Variants in DLG2 observed in about 807,000 individuals in gnomAD.
DLG2 encodes disks large homolog 2.
A neutral mutation model predicts 132.5 loss-of-function variants in DLG2; 45 were observed. The observed-to-expected ratio is 0.34, with a 90% confidence interval of 0.27 to 0.44. DLG2 has a LOEUF of 0.44. Ranked by LOEUF, DLG2 falls within the 20% of genes least tolerant of loss-of-function variation. The probability of loss-of-function intolerance (pLI) is 1.00; values close to 1 mark genes in which losing one functional copy is unlikely to be tolerated. For synonymous variants in DLG2, 424 were observed against 419.6 expected, an observed-to-expected ratio of 1.01 and a Z score of -0.13; for missense variants, 1,045 against 1,196.9, an observed-to-expected ratio of 0.87 and a Z score of 1.87.
chr11:85,292,057 A>G (rs1326337661), intron 3 of DLG2, among the ~76,000 whole-genome samples: 1 of 152,168 alleles, frequency 6.6e-6, no homozygotes, highest in Non-Finnish European at 1.5e-5. Context: ...AAATGATATT[A>G]CAGTCTTGAT....
At chr11:85,259,524 C>A (rs182528511) in intron 4 of DLG2, among the ~76,000 whole-genome samples, 1 of 152,006 alleles carries the variant, frequency 6.6e-6, no homozygotes, top group African/African-American at 2.4e-5. Context: ...TCCAGCTGAC[C>A]CTCCCAAGTA....
chr11:83,743,508 A>T (rs2092694908), intron 18 of DLG2, among the ~76,000 whole-genome samples: 1 of 144,038 alleles, frequency 6.9e-6, no homozygotes, highest in African/African-American at 2.7e-5. Context: ...CACAGTTCAC[A>T]CTACAATTTC....
At chr11:83,884,912 A>C (rs2067385810) in intron 15 of DLG2, among the ~76,000 whole-genome samples, 1 of 152,208 alleles carries the variant, frequency 6.6e-6, no homozygotes, top group East Asian at 1.9e-4. Flanking sequence ...AAAACTAACA[A>C]ACAGAAAGGA....
intron 17 of DLG2, among the ~76,000 whole-genome samples, chr11:83,806,704 G>A (rs1023971696): frequency 6.6e-6 from 1 of 152,154 alleles, no homozygotes; most frequent in Non-Finnish European, 1.5e-5. Flanking sequence ...ATTACTGAGG[G>A]TGACTACAGC....
chr11:83,565,383 TG>T (rs35683943), intron 19 of DLG2, among the ~76,000 whole-genome samples: 6,658 of 152,268 alleles, frequency 0.044, 178 homozygotes, highest in South Asian at 0.11. Flanking sequence ...ACCAGAACAC[TG>T]GGGAAAGAGA....
intron 6 of DLG2, among the ~76,000 whole-genome samples, chr11:84,925,139 C>A (rs915718029): frequency 6.6e-6 from 1 of 152,078 alleles, no homozygotes; most frequent in Admixed American, 6.5e-5. Flanking sequence ...CCATTAGAAG[C>A]TGGGAAAATG....
intron 6 of DLG2, among the ~76,000 whole-genome samples, chr11:84,596,802 C>G (rs1040464744): frequency 2.0e-5 from 3 of 152,128 alleles, no homozygotes; most frequent in Non-Finnish European, 4.4e-5. Context: ...GAACTGTTAA[C>G]TTAATTGTAC....
chr11:85,093,455 T>C (rs953682873), intron 6 of DLG2, among the ~76,000 whole-genome samples: 4 of 152,126 alleles, frequency 2.6e-5, no homozygotes, highest in African/African-American at 7.2e-5. Context: ...ACAGCCCAAA[T>C]AGTGCTTTAC....
chr11:84,545,039 C>G (rs1487553360), intron 6 of DLG2: 2 of 448,860 alleles, frequency 4.5e-6, no homozygotes, highest in Non-Finnish European at 8.9e-6. Context: ...GTGCTGCCAC[C>G]ACTGTGCATG....
intron 6 of DLG2, among the ~76,000 whole-genome samples, chr11:84,612,031 A>C (rs1243424658): frequency 1.3e-5 from 2 of 152,208 alleles, no homozygotes; most frequent in East Asian, 3.9e-4. Context: ...TGAAACCATT[A>C]GTTTAATCAA....
chr11:84,743,795 G>A (rs1463809897), intron 6 of DLG2, among the ~76,000 whole-genome samples: 1 of 151,902 alleles, frequency 6.6e-6, no homozygotes, highest in East Asian at 1.9e-4. Context: ...CACGATCTTG[G>A]CTCACTGCAA....
chr11:85,474,342 T>C (rs892419930), intron 3 of DLG2, among the ~76,000 whole-genome samples: 3 of 151,992 alleles, frequency 2.0e-5, no homozygotes, highest in Non-Finnish European at 2.9e-5. Flanking sequence ...TGAATCTGTA[T>C]ATATCTTATC....
intron 3 of DLG2, among the ~76,000 whole-genome samples, chr11:85,374,833 G>T (rs950162097): frequency 6.6e-6 from 1 of 151,788 alleles, no homozygotes; most frequent in African/African-American, 2.4e-5. Flanking sequence ...TCTATAACAA[G>T]AAAAAAACAG....
intron 7 of DLG2, among the ~76,000 whole-genome samples, chr11:84,524,833 T>C (rs2099315198): frequency 6.6e-6 from 1 of 151,648 alleles, no homozygotes; most frequent in East Asian, 1.9e-4. Context: ...GGGTCAAATG[T>C]AACTCATAGG....
chr11:84,540,671 C>T (rs1267811571), intron 6 of DLG2, among the ~76,000 whole-genome samples: 3 of 152,136 alleles, frequency 2.0e-5, no homozygotes, highest in Admixed American at 2.0e-4. Context: ...TACCATTTGA[C>T]CCAGCCATCC....
At chr11:83,765,681 A>C (rs962221356) in intron 18 of DLG2, among the ~76,000 whole-genome samples, 1 of 152,192 alleles carries the variant, frequency 6.6e-6, no homozygotes, top group African/African-American at 2.4e-5. Flanking sequence ...AGCCAAGTAG[A>C]CCTTGCTTTT....
chr11:83,832,143 A>T (rs2054716343), intron 17 of DLG2, among the ~76,000 whole-genome samples: 1 of 152,240 alleles, frequency 6.6e-6, no homozygotes, highest in Non-Finnish European at 1.5e-5. Context: ...AATAATAGTT[A>T]TGCAAGATAA....
At chr11:83,870,723 T>C (rs1428751035) in intron 16 of DLG2, among the ~76,000 whole-genome samples, 1 of 152,142 alleles carries the variant, frequency 6.6e-6, no homozygotes, top group East Asian at 1.9e-4. Flanking sequence ...TGCATGCTAA[T>C]TGGGGGACTC....
chr11:84,156,250 G>A (rs1332518620), intron 9 of DLG2, among the ~76,000 whole-genome samples: 3 of 152,106 alleles, frequency 2.0e-5, no homozygotes, highest in Non-Finnish European at 4.4e-5. Context: ...GGATTCTTAT[G>A]ACATTAGCAA....
Sources: gnomAD v4.1 joint callset for allele counts (sites outside exome capture counted in the v4.1 genomes callset) on GRCh38, gnomAD v4.1.1 for gene constraint, MANE v1.5 for transcripts, NCBI Gene and HGNC (gene_info 2026-07-23, HGNC 2026-07-21) for gene names.